CCDC88A: variants seen among roughly 807,000 people sequenced by gnomAD.
The protein encoded by CCDC88A is girdin.
A neutral mutation model predicts 234.3 loss-of-function variants in CCDC88A; 54 were observed. That is an observed-to-expected ratio of 0.23 (90% confidence interval 0.19 to 0.29). CCDC88A has a LOEUF of 0.29. Among genes scored for constraint, CCDC88A ranks in the 10% least tolerant of loss-of-function variants. The pLI, the probability that CCDC88A is intolerant of heterozygous loss-of-function variation, is 1.00. For synonymous variants in CCDC88A, 753 were observed against 737.8 expected (o/e 1.02, Z -0.33); for missense variants, 1,832 against 2,123.4 (o/e 0.86, Z 2.70).
At chr2:55,366,542 C>T (rs1227128147) in intron 5 of CCDC88A, among the ~76,000 whole-genome samples, 2 of 70,648 alleles carry the variant, frequency 2.8e-5, no homozygotes, top group East Asian at 9.4e-4. Flanking sequence ...CATACACACA[C>T]ACACACACAC....
At chr2:55,371,566 G>C (rs1177659353) in intron 5 of CCDC88A, among the ~76,000 whole-genome samples, 2 of 152,112 alleles carry the variant, frequency 1.3e-5, no homozygotes, top group Non-Finnish European at 2.9e-5. Flanking sequence ...TGGACTACTA[G>C]CAATATGACC....
In CCDC88A at chr2:55,372,991, A is replaced by C. The variant is rs145033196; in HGVS notation, c.344-481T>G. ...TGGTTTTCCACTGTGCAAGTTCATG[A>C]AGACCAGAATCTTAAATGTCTGTTA... On this transcript the variant is annotated intron_variant, in intron 4 of 32. Transcript: ENST00000436346. Among the ~76,000 whole-genome samples the C allele has an allele frequency of 2.0e-5, 3 of 152,350 alleles. No homozygotes were observed. The East Asian group carries it at 5.8e-4, about 29-fold the overall frequency.
chr2:55,380,131 G>C (rs1349343331), intron 3 of CCDC88A, among the ~76,000 whole-genome samples: 1 of 150,864 alleles, frequency 6.6e-6, no homozygotes, highest in African/African-American at 2.4e-5. Context: ...AGCTACTCGG[G>C]AGGCTGAGGC....
At chr2:55,416,029 AAT>A (rs1681319939) in intron 2 of CCDC88A, among the ~76,000 whole-genome samples, 1 of 152,126 alleles carries the variant, frequency 6.6e-6, no homozygotes, top group Non-Finnish European at 1.5e-5. Context: ...AAAGCAACAG[AAT>A]CCATAATGGG....
At position 55,328,297 on chromosome 2, in the gene CCDC88A, T is replaced by A. The variant is rs779299089; in HGVS notation, c.2994A>T (p.Lys998Asn). Residue 998 changes from lysine (K) to asparagine (N), a missense_variant, in exon 17 of 33, where the codon AAA (lysine) becomes AAT (asparagine). Physicochemically the swap from Lys to Asn is moderately conservative, Grantham distance 94 (BLOSUM62 0). Around this residue, in one of 6 missense-constraint regions of CCDC88A, gnomAD observed 1,282 missense variants for 1,543.6 expected, o/e 0.83. Coordinates refer to ENST00000436346, the MANE Select transcript of CCDC88A (RefSeq NM_001365480.1). The surrounding 1 kb of genome is among the most constrained non-coding windows in gnomAD (Gnocchi z 4.3). ...TCTTTCCAAGAAAATCACTTACTGT[T>A]TTAAGTTCTTGGCGCAATTGCTGGT... ...NYNQQLRQEL[K>N]TVKKNYEALK... 6.3e-7 allele frequency: 1 copy of A among 1,582,950 alleles called. No homozygotes were observed. The highest frequency in any genetic ancestry group is 8.6e-7 in the Non-Finnish European group (1 of 1,167,894).
rs1237092292 is a variant in CCDC88A, at chr2:55,295,756, G to C, written c.5392C>G (p.Pro1798Ala). Residue 1798 changes from proline to alanine, a missense_variant, in exon 31 of 33, where the codon CCT becomes GCT. By Grantham distance (27) the Pro-to-Ala change is conservative. Coordinates refer to ENST00000436346, the MANE Select transcript of CCDC88A (RefSeq NM_001365480.1). The part of the protein sequence containing the change: ...SLSRQSKDSN[P>A]YATLPRASSV... ...CTTGCACGAGGTAAAGTTGCATAAG[G>C]GTTACTATCTTTTGATTGTCGTGAC... The C allele has an allele frequency of 6.2e-7, 1 of 1,614,034 alleles. No homozygotes were observed. The highest frequency in any genetic ancestry group is 1.3e-5 in the African/African-American group (1 of 74,908).
At chr2:55,362,545 C>A in intron 6 of CCDC88A, 97 bp from the exon 7 acceptor site, 1 of 953,516 alleles carries the variant, frequency 1.0e-6, no homozygotes. Flanking sequence ...ATTATATAAC[C>A]CATATAAAAT....
intron 3 of CCDC88A, among the ~76,000 whole-genome samples, chr2:55,385,852 C>CTCAAAAA (rs1558791979): frequency 1.6e-5 from 1 of 62,462 alleles, no homozygotes; most frequent in Non-Finnish European, 3.0e-5. Context: ...AACTCCATGT[C>CTCAAAAA]AAAAAAAAAA....
chr2:55,347,242 C>T (rs1232350473), intron 9 of CCDC88A, among the ~76,000 whole-genome samples: 1 of 152,024 alleles, frequency 6.6e-6, no homozygotes, highest in African/African-American at 2.4e-5. Flanking sequence ...TTTTAAAAGC[C>T]TTATTGTAAT....
intron 3 of CCDC88A, among the ~76,000 whole-genome samples, chr2:55,384,651 A>G (rs13000598): frequency 0.13 from 696 of 5,302 alleles, 253 homozygotes; most frequent in African/African-American, 0.57. Flanking sequence ...GTATATATAC[A>G]TATATATATA....
chr2:55,325,302 T>A (rs1389053862), intron 17 of CCDC88A, among the ~76,000 whole-genome samples: 1 of 152,230 alleles, frequency 6.6e-6, no homozygotes, highest in Non-Finnish European at 1.5e-5. Context: ...CATAGTATTA[T>A]AAATGGTGTT....
rs747325817 is a variant in CCDC88A at position 55,299,918 on chromosome 2, A to G, written c.4746T>C (p.Ala1582=). The change falls in exon 29 of 33, where the codon GCT becomes GCC. Residue 1582 remains alanine, a splice_region_variant and synonymous_variant. Transcript: ENST00000436346. ...CACTATCAAGGCTGGCTGGTCTTGA[A>G]GCTAAATGAAAAAACCAGGAGACAG... ...DDSSTGSRVH[A]SRPASLDSGR... is the part of the protein sequence containing the mutation. The G allele has an allele frequency of 8.1e-6, 13 of 1,611,332 alleles. No individual in the cohort carries two copies. The highest frequency in any genetic ancestry group is 1.1e-5 in the Non-Finnish European group (13 of 1,177,650).
intron 12 of CCDC88A, among the ~76,000 whole-genome samples, chr2:55,340,767 A>C (rs1668372673): frequency 6.6e-6 from 1 of 152,202 alleles, no homozygotes; most frequent in South Asian, 2.1e-4. Context: ...TTATAAATTT[A>C]TTCTGTTGTA....
At chr2:55,370,666 A>G (rs3111409) in intron 5 of CCDC88A, among the ~76,000 whole-genome samples, 16,639 of 141,206 alleles carry the variant, frequency 0.12, 1,608 homozygotes, top group East Asian at 0.27. Flanking sequence ...AAAAAAAAAA[A>G]AGAGAATTAA....
rs5831359 is a variant in CCDC88A at position 55,381,552 on chromosome 2, C to CAAAAAAAA, written c.274-6677_274-6670dup. 3.2e-5 allele frequency among the ~76,000 whole-genome samples: 3 copies of CAAAAAAAA among 93,414 alleles called. 1 individual carries two copies. Among genetic ancestry groups the CAAAAAAAA allele is most frequent in the East Asian group, 3.1e-4 (1 of 3,218 alleles). 61.3% of individuals were successfully genotyped at this position (93,414 alleles called of 152,430 possible). A position where few individuals can be genotyped will look rare whatever the true frequency, so the allele number is the denominator to read the frequency against. ...TGGGCAACAGAGTGAGACCCTGTCT[C>CAAAAAAAA]AAAAAAAAAAAAAAAAAAAAAGTGC... On this transcript the variant is annotated intron_variant, in intron 3 of 32. Transcript: ENST00000436346.
intron 2 of CCDC88A, among the ~76,000 whole-genome samples, chr2:55,395,741 G>C (rs76544697): frequency 9.9e-5 from 15 of 152,278 alleles, no homozygotes; most frequent in African/African-American, 3.6e-4. Context: ...TTGACTAATA[G>C]AGTCCTAAAC....
intron 3 of CCDC88A, among the ~76,000 whole-genome samples, chr2:55,385,200 T>C (rs752809975): frequency 2.6e-5 from 4 of 152,170 alleles, no homozygotes; most frequent in Non-Finnish European, 5.9e-5. Context: ...GATCTGTACA[T>C]ATTTCAGATT....
In CCDC88A at chr2:55,336,696, T is replaced by C; in HGVS notation, c.1641A>G (p.Glu547=). ...QLEKTIETLR[E]NSERQIKILE... ...ATGTATGAACCTGTCTCTCTGAATT[T>C]TCTCTCAGTGTTTCTATTGTTTTTT... The change falls in exon 14 of 33, where the codon GAA becomes GAG. Residue 547 remains glutamate (E), a synonymous_variant. Coordinates refer to ENST00000436346, the MANE Select transcript of CCDC88A (RefSeq NM_001365480.1). 1 of 1,576,020 alleles carries C rather than the reference T, an allele frequency of 6.3e-7. No individual in the cohort carries two copies. Among genetic ancestry groups the C allele is most frequent in the Non-Finnish European group, 8.6e-7 (1 of 1,164,966 alleles).
chr2:55,322,500 A>T, intron 18 of CCDC88A, 28 bp downstream of exon 18: 1 of 1,372,366 alleles, frequency 7.3e-7, no homozygotes, highest in Non-Finnish European at 1.0e-6. Context: ...AAAAAAAACT[A>T]TTTCTACTAA....
Sources: allele counts gnomAD v4.1 joint callset (sites outside exome capture counted in the v4.1 genomes callset), GRCh38; gene constraint gnomAD v4.1.1; regional missense constraint gnomAD v4.1.1; non-coding constraint Gnocchi (gnomAD v3.1); transcripts MANE v1.5; gene names NCBI Gene and HGNC (gene_info 2026-07-23, HGNC 2026-07-21).